MRPL37: variants seen among roughly 807,000 people sequenced by gnomAD.
MRPL37 encodes mitochondrial ribosomal protein L37, also known as large ribosomal subunit protein mL37.
Under a neutral mutation model 44.1 loss-of-function variants are expected in MRPL37, and 34 were observed. The observed-to-expected ratio is 0.77, with a 90% CI of 0.59 to 1.03. The LOEUF is 1.03. Among genes scored for constraint, MRPL37 ranks in the 50% least tolerant of loss-of-function variants. The pLI is 0.00. For synonymous variants in MRPL37, 212 were observed against 219.5 expected, an observed-to-expected ratio of 0.97 and a Z score of 0.30; for missense variants, 532 against 543.7, an observed-to-expected ratio of 0.98 and a Z score of 0.21.
intron 6 of MRPL37, among the ~76,000 whole-genome samples, chr1:54,217,806 A>C (rs112662614): frequency 2.2e-4 from 34 of 152,324 alleles, no homozygotes; most frequent in African/African-American, 7.5e-4. Context: ...TGTTTCCAGC[A>C]CAGGATATAG....
intron 1 of MRPL37, among the ~76,000 whole-genome samples, chr1:54,204,127 A>G (rs1314498906): frequency 6.6e-6 from 1 of 152,224 alleles, no homozygotes; most frequent in South Asian, 2.1e-4. Flanking sequence ...TAATGCCTAT[A>G]ATCCCAGCAC....
At chr1:54,216,391 C>A in intron 6 of MRPL37, 47 bp downstream of exon 6, 1 of 1,588,304 alleles carries the variant, frequency 6.3e-7, no homozygotes, top group Non-Finnish European at 8.6e-7. Flanking sequence ...CATGCCTCCT[C>A]CTACCTGGTG....
chr1:54,220,083 C>G (rs1226326102), downstream of MRPL37, among the ~76,000 whole-genome samples: 3 of 151,908 alleles, frequency 2.0e-5, no homozygotes, highest in African/African-American at 4.8e-5. Context: ...AAACAACACT[C>G]TGTTGGGAGT....
chr1:54,221,631 T>C (rs1279608855), downstream of MRPL37, among the ~76,000 whole-genome samples: 1 of 152,092 alleles, frequency 6.6e-6, no homozygotes, highest in Non-Finnish European at 1.5e-5. Flanking sequence ...CGCGCACACA[T>C]GCATACAGGC....
intron 6 of MRPL37, among the ~76,000 whole-genome samples, chr1:54,216,946 T>TA (rs1267809817): frequency 6.6e-6 from 1 of 151,570 alleles, no homozygotes; most frequent in Non-Finnish European, 1.5e-5. Flanking sequence ...ATCCCACAGA[T>TA]ACGGAGTTCC....
At chr1:54,225,241 C>G, downstream of MRPL37, 1 of 1,234,364 alleles carries the variant, frequency 8.1e-7, no homozygotes, top group Non-Finnish European at 1.0e-6. Context: ...TCCCAACCCA[C>G]CTTCCGCCAA....
chr1:54,218,109 CTTTGT>C (rs1644210088), intron 6 of MRPL37, 58 bp from the exon 7 acceptor site: 1 of 1,423,902 alleles, frequency 7.0e-7, no homozygotes, highest in Non-Finnish European at 9.9e-7. Flanking sequence ...TCAATCCAAT[CTTTGT>C]TTTAATTGCT....
In MRPL37 at chr1:54,208,916, A is replaced by G. The variant is rs1419313639; in HGVS notation, c.647-1030A>G. 2.0e-5 allele frequency among the ~76,000 whole-genome samples: 3 copies of G among 152,132 alleles called. No individual in the cohort carries two copies. In the East Asian group the frequency reaches 5.8e-4, roughly 29 times the overall value. On this transcript the variant is annotated intron_variant, in intron 3 of 6. Coordinates refer to ENST00000360840, the MANE Select transcript of MRPL37 (RefSeq NM_016491.4). ...AGTAGAAGCCAGGATGCTGCTAAAC[A>G]TCCCACAGTACACAGGACATTCCCT...
At chr1:54,208,162 C>T (rs1012986693) in intron 3 of MRPL37, among the ~76,000 whole-genome samples, 6 of 152,118 alleles carry the variant, frequency 3.9e-5, no homozygotes, top group East Asian at 1.9e-4. Flanking sequence ...TATGCTAATC[C>T]GACTTCAGTG....
intron 4 of MRPL37, among the ~76,000 whole-genome samples, chr1:54,212,047 T>G (rs1393449913): frequency 6.6e-6 from 1 of 152,258 alleles, no homozygotes. Flanking sequence ...TGACTTGCTT[T>G]CTTTTGAATA....
Position 54,216,095 on chromosome 1 carries a change from A to G in MRPL37, c.991-46A>G, listed in dbSNP as rs2236555. 9.0e-3 allele frequency: 14,468 copies of G among 1,606,370 alleles called. 204 individuals carry two copies. Among genetic ancestry groups the G allele is most frequent in the East Asian group, 0.062 (2,761 of 44,822 alleles). On this transcript the variant is annotated intron_variant, in intron 5 of 6. Transcript: ENST00000360840. ...CTGCCTGGGCCGTGCTGTTCCTTAC[A>G]CTCCACAGCTTCTGATTTGTTTTCC...
At position 54,204,357 on chromosome 1, in the gene MRPL37, C is replaced by G. The variant is rs1393777752; in HGVS notation, c.347-661C>G. Among the ~76,000 whole-genome samples the G allele has an allele frequency of 2.6e-5, 4 of 151,706 alleles. No homozygotes were observed. In the South Asian group the frequency reaches 8.3e-4, roughly 32 times the overall value. On this transcript the variant is annotated intron_variant, in intron 1 of 6. Coordinates refer to ENST00000360840, the MANE Select transcript of MRPL37 (RefSeq NM_016491.4). ...AGATCATGCTGCTCAGTCATCATGTCGCCCAGTCAGCCTGGGCGACAGAGC... is the reference window on the plus strand; with the variant it reads ...AGATCATGCTGCTCAGTCATCATGTGGCCCAGTCAGCCTGGGCGACAGAGC...
intron 2 of MRPL37, 31 bp from the exon 3 acceptor site, chr1:54,205,264 A>C (rs1343335850): frequency 6.2e-7 from 1 of 1,608,130 alleles, no homozygotes; most frequent in East Asian, 2.2e-5. Context: ...CTGTTGCTTT[A>C]AGTCCCCAAA....
Position 54,203,564 on chromosome 1 carries a change from C to T in MRPL37, c.347-1454C>T, listed in dbSNP as rs554453421. Among the ~76,000 whole-genome samples, 51 of 149,338 alleles carry T rather than the reference C, an allele frequency of 3.4e-4. No individual in the cohort carries two copies. The South Asian group carries it at 8.9e-3, about 26-fold the overall frequency. Reference sequence around the variant, plus strand: ...TCTTGGCTTACTGTAGCCTCTGCCTCCCAGGTTCAAGTGATTCTCCTGCCT... The same window carrying T: ...TCTTGGCTTACTGTAGCCTCTGCCTTCCAGGTTCAAGTGATTCTCCTGCCT... On this transcript the variant is annotated intron_variant, in intron 1 of 6. Coordinates refer to ENST00000360840, the MANE Select transcript of MRPL37 (RefSeq NM_016491.4).
At position 54,210,142 on chromosome 1, in the gene MRPL37, A is replaced by G. The variant is rs771620511; in HGVS notation, c.832+11A>G. 1.9e-6 allele frequency: 3 copies of G among 1,611,990 alleles called. No individual in the cohort carries two copies. The highest frequency in any genetic ancestry group is 2.2e-5 in the East Asian group (1 of 44,852). On this transcript the variant is annotated intron_variant, in intron 4 of 6. Transcript: ENST00000360840. Reference sequence around the variant, plus strand: ...TGAAAAATGACACAGGTAAGGATCAATGTCTTGGACTTTTAGGCAGTGTGG... The same window carrying G: ...TGAAAAATGACACAGGTAAGGATCAGTGTCTTGGACTTTTAGGCAGTGTGG...
intron 5 of MRPL37, 52 bp downstream of exon 5, chr1:54,212,710 C>G (rs1298438859): frequency 1.2e-6 from 2 of 1,607,492 alleles, no homozygotes; most frequent in East Asian, 2.2e-5. Context: ...TTGGTCTCCT[C>G]CCTTAAGGTT....
chr1:54,212,405 C>T, intron 4 of MRPL37, 96 bp from the exon 5 acceptor site: 3 of 1,433,580 alleles, frequency 2.1e-6, no homozygotes, highest in South Asian at 2.6e-5. Context: ...CTCTCTGTAG[C>T]ACCTGTCCCT....
At chr1:54,223,139 C>G (rs1236803885), downstream of MRPL37, among the ~76,000 whole-genome samples, 1 of 152,232 alleles carries the variant, frequency 6.6e-6, no homozygotes, top group Non-Finnish European at 1.5e-5. Context: ...AGCACCCACC[C>G]TCGTTGGTCT....
chr1:54,203,946 T>A (rs939356851), intron 1 of MRPL37, among the ~76,000 whole-genome samples: 1 of 152,214 alleles, frequency 6.6e-6, no homozygotes, highest in African/African-American at 2.4e-5. Context: ...ATTGCTGCTT[T>A]TGTGCTCTAG....
Sources: gnomAD v4.1 joint callset for allele counts (sites outside exome capture counted in the v4.1 genomes callset) on GRCh38, gnomAD v4.1.1 for gene constraint, MANE v1.5 for transcripts, NCBI Gene and HGNC (gene_info 2026-07-23, HGNC 2026-07-21) for gene names.